OR4K17: variants seen among roughly 807,000 people sequenced by gnomAD.
OR4K17 encodes the protein olfactory receptor family 4 subfamily K member 17.
For missense variants in OR4K17, 480 were observed against 366.3 expected, an observed-to-expected ratio of 1.31 and a Z score of -2.53; for synonymous variants, 157 against 132.8, an observed-to-expected ratio of 1.18 and a Z score of -1.25.
Position 20,119,575 on chromosome 14 carries a change from C to A in OR4K17, c.*1137C>A. ...TTCAGCAGGTCCCTCTGTTCGGGGT[C>A]CCTGACTTCCCGCAACAGAGCCAAG... On this transcript the variant is annotated 3_prime_UTR_variant, in exon 2 of 2. Coordinates refer to ENST00000641386, the MANE Select transcript of OR4K17 (RefSeq NM_001004715.5). 1 of 152,554 alleles carries A rather than the reference C, an allele frequency of 6.6e-6. No individual in the cohort carries two copies. Among genetic ancestry groups the A allele is most frequent in the South Asian group, 1.9e-4 (1 of 5,142 alleles). The allele number at this position is 152,554 out of a possible 1,614,324, so 9.5% of individuals were successfully genotyped here.
Position 20,117,938 on chromosome 14 carries a change from A to G in OR4K17, c.439A>G (p.Thr147Ala). 1 of 1,613,942 alleles carries G rather than the reference A, an allele frequency of 6.2e-7. No individual in the cohort carries two copies. Among genetic ancestry groups the G allele is most frequent in the Non-Finnish European group, 8.5e-7 (1 of 1,179,984 alleles). The part of the protein sequence containing the change: ...NKKVCVLLVV[T>A]SWLLGLLHSG... ...GAAGGTATGTGTTTTGCTTGTAGTG[A>G]CCTCATGGCTCTTGGGTCTCCTTCA... Residue 147 changes from threonine to alanine, a missense_variant, in exon 2 of 2, where the codon ACC (threonine) becomes GCC (alanine). Coordinates refer to ENST00000641386, the MANE Select transcript of OR4K17 (RefSeq NM_001004715.5).
In OR4K17 at chr14:20,120,207, T is replaced by A. The variant is rs1336558784; in HGVS notation, c.*1769T>A. 2.0e-5 allele frequency: 3 copies of A among 152,204 alleles called. No homozygotes were observed. Among genetic ancestry groups the A allele is most frequent in the Non-Finnish European group, 4.4e-5 (3 of 68,040 alleles). 9.4% of individuals were successfully genotyped at this position (152,204 alleles called of 1,614,324 possible). A position where few individuals can be genotyped will look rare whatever the true frequency, so the allele number is the denominator to read the frequency against. ...TTTGGCACTCACTGTGAGATCATGT[T>A]TGGTTCTCTGTCTTCTTTACAATAT... On this transcript the variant is annotated 3_prime_UTR_variant, in exon 2 of 2. Coordinates refer to ENST00000641386, the MANE Select transcript of OR4K17 (RefSeq NM_001004715.5).
chr14:20,111,655 C>T (rs1877885920), intron 1 of OR4K17, among the ~76,000 whole-genome samples: 1 of 151,918 alleles, frequency 6.6e-6, no homozygotes, highest in Non-Finnish European at 1.5e-5. Context: ...CTACAATTTC[C>T]AGGAAAGAAA....
At position 20,121,061 on chromosome 14, in the gene OR4K17, A is replaced by G. The variant is rs1360671632; in HGVS notation, c.*2623A>G. On this transcript the variant is annotated 3_prime_UTR_variant, in exon 2 of 2. Coordinates refer to ENST00000641386, the MANE Select transcript of OR4K17 (RefSeq NM_001004715.5). The stretch of plus-strand genomic sequence containing the variant: ...ACAATAGTCAGAGCAGTTGTGTTTT[A>G]CTCAACCAATCCCCTCACACCTCCA... 1 of 152,216 alleles carries G rather than the reference A, an allele frequency of 6.6e-6. No individual in the cohort carries two copies. Among genetic ancestry groups the G allele is most frequent in the Non-Finnish European group, 1.5e-5 (1 of 68,052 alleles). 9.4% of individuals were successfully genotyped at this position (152,216 alleles called of 1,614,324 possible).
chr14:20,114,717 G>T (rs1877950470), intron 1 of OR4K17, among the ~76,000 whole-genome samples: 1 of 151,888 alleles, frequency 6.6e-6, no homozygotes, highest in African/African-American at 2.4e-5. Context: ...GAAGTAATTT[G>T]CCTAAAGACA....
chr14:20,112,012 G>A (rs1192168712), intron 1 of OR4K17: 1 of 151,944 alleles, frequency 6.6e-6, no homozygotes, highest in Non-Finnish European at 1.5e-5. Flanking sequence ...ATGGAGTCCT[G>A]GAGGGCTGGA....
intron 1 of OR4K17, 94 bp from the exon 2 acceptor site, chr14:20,117,374 G>C (rs1878017450): frequency 1.4e-6 from 2 of 1,449,930 alleles, no homozygotes; most frequent in East Asian, 2.3e-5. Context: ...TTTATTGAAA[G>C]ATCCAAAGGA....
At position 20,120,195 on chromosome 14, in the gene OR4K17, G is replaced by A. The variant is rs1878129161; in HGVS notation, c.*1757G>A. On this transcript the variant is annotated 3_prime_UTR_variant, in exon 2 of 2. Transcript: ENST00000641386. The stretch of plus-strand genomic sequence containing the variant: ...TGAGTTAAATGATTTGGCACTCACT[G>A]TGAGATCATGTTTGGTTCTCTGTCT... The A allele has an allele frequency of 6.6e-6, 1 of 152,148 alleles. No homozygotes were observed. The highest frequency in any genetic ancestry group is 1.5e-5 in the Non-Finnish European group (1 of 68,034). 9.4% of individuals were successfully genotyped at this position (152,148 alleles called of 1,614,324 possible).
chr14:20,116,061 A>G (rs1179009621), intron 1 of OR4K17, among the ~76,000 whole-genome samples: 1 of 152,138 alleles, frequency 6.6e-6, no homozygotes, highest in Non-Finnish European at 1.5e-5. Flanking sequence ...TGGGCCTGAG[A>G]AGGAACTCAG....
In OR4K17 at chr14:20,119,762, C is replaced by G. The variant is rs1328646066; in HGVS notation, c.*1324C>G. ...CTGAGGCAGGAGAATTGCTTGAACCCAGGAGGCAGAGGCTTCAGTGAGCTG... is the reference window on the plus strand; with the variant it reads ...CTGAGGCAGGAGAATTGCTTGAACCGAGGAGGCAGAGGCTTCAGTGAGCTG... On this transcript the variant is annotated 3_prime_UTR_variant, in exon 2 of 2. Transcript: ENST00000641386. 3.9e-5 allele frequency: 6 copies of G among 152,180 alleles called. No individual in the cohort carries two copies. The highest frequency in any genetic ancestry group is 3.9e-4 in the Admixed American group (6 of 15,270). The allele number at this position is 152,180 out of a possible 1,614,324, so 9.4% of individuals were successfully genotyped here. A position where few individuals can be genotyped will look rare whatever the true frequency, so the allele number is the denominator to read the frequency against.
At chr14:20,116,226 G>T (rs992442089) in intron 1 of OR4K17, among the ~76,000 whole-genome samples, 4 of 152,038 alleles carry the variant, frequency 2.6e-5, no homozygotes, top group Non-Finnish European at 5.9e-5. Flanking sequence ...TTCTCACATT[G>T]TAACTCACAG....
chr14:20,110,951 A>G (rs976094998), intron 1 of OR4K17, 59 bp downstream of exon 1: 42 of 152,088 alleles, frequency 2.8e-4, no homozygotes, highest in African/African-American at 1.0e-3. Flanking sequence ...CACAGTTCAC[A>G]CAAGATAGCA....
At chr14:20,114,747 A>C (rs983342396) in intron 1 of OR4K17, among the ~76,000 whole-genome samples, 1 of 152,054 alleles carries the variant, frequency 6.6e-6, no homozygotes, top group Non-Finnish European at 1.5e-5. Context: ...TGAATGGTTC[A>C]GTTCCAGGGA....
At position 20,118,179 on chromosome 14, in the gene OR4K17, A is replaced by G. The variant is rs771991458; in HGVS notation, c.680A>G (p.Asn227Ser). ...AGTCTGATCCTCATAACCATTAAGA[A>G]CCACTCTCCTACTGGGCAATCTAAA... The part of the protein sequence containing the change: ...SYSLILITIK[N>S]HSPTGQSKAR... Residue 227 changes from asparagine to serine, a missense_variant, in exon 2 of 2, where the codon AAC becomes AGC. Asn to Ser is a conservative substitution (Grantham distance 46, BLOSUM62 1). Transcript: ENST00000641386. 3.7e-6 allele frequency: 6 copies of G among 1,613,954 alleles called. No individual in the cohort carries two copies. Among genetic ancestry groups the G allele is most frequent in the South Asian group, 3.3e-5 (3 of 91,080 alleles).
At chr14:20,113,129 T>A (rs535372950) in intron 1 of OR4K17, among the ~76,000 whole-genome samples, 69 of 151,998 alleles carry the variant, frequency 4.5e-4, no homozygotes, top group African/African-American at 1.7e-3. Flanking sequence ...AGCAATCCCA[T>A]GCCAAAAAAA....
At chr14:20,113,197 C>A (rs1187599982) in intron 1 of OR4K17, among the ~76,000 whole-genome samples, 1 of 151,966 alleles carries the variant, frequency 6.6e-6, no homozygotes, top group Admixed American at 6.6e-5. Context: ...CAGTTCTACT[C>A]AAATAGCAAC....
intron 1 of OR4K17, among the ~76,000 whole-genome samples, chr14:20,111,553 C>G (rs892806823): frequency 6.6e-6 from 1 of 151,990 alleles, no homozygotes; most frequent in African/African-American, 2.4e-5. Flanking sequence ...CTCAAAAACC[C>G]TTGCTAATTT....
At chr14:20,111,941 A>G (rs2139052295) in intron 1 of OR4K17, 1 of 152,174 alleles carries the variant, frequency 6.6e-6, no homozygotes, top group Non-Finnish European at 1.5e-5. Context: ...TGCAGTGGAA[A>G]GAGCAATCCA....
chr14:20,117,758 A>G lies in OR4K17; in HGVS notation c.259A>G (p.Lys87Glu), dbSNP rs753834459. 5 of 1,614,042 alleles carry G rather than the reference A, an allele frequency of 3.1e-6. No homozygotes were observed. Among genetic ancestry groups the G allele is most frequent in the Non-Finnish European group, 4.2e-6 (5 of 1,180,036 alleles). ...CCCTAAGGTGATTCTGAACTTGTTA[A>G]AAAAGCAGAAGGTAATTTCTTTTGC... ...ATPKVILNLLKKQKVISFAGC... is the reference protein window; with the variant it reads ...ATPKVILNLLEKQKVISFAGC... Residue 87 changes from lysine (K) to glutamate (E), a missense_variant, in exon 2 of 2, where the codon AAA (lysine) becomes GAA (glutamate). Coordinates refer to ENST00000641386, the MANE Select transcript of OR4K17 (RefSeq NM_001004715.5).
Sources: allele counts gnomAD v4.1 joint callset (sites outside exome capture counted in the v4.1 genomes callset), GRCh38; gene constraint gnomAD v4.1.1; transcripts MANE v1.5; gene names NCBI Gene and HGNC (gene_info 2026-07-23, HGNC 2026-07-21).